The following LRRC72 variants were observed in gnomAD, a reference collection of about 807,000 sequenced individuals.
LRRC72 encodes the protein leucine rich repeat containing 72, also known as leucine-rich repeat-containing protein 72.
In LRRC72, 41 loss-of-function variants were observed where a neutral mutation model predicts 35.8. That is an observed-to-expected ratio of 1.15 (90% CI 0.89 to 1.49). The LOEUF (loss-of-function observed/expected upper bound fraction) is 1.49. LRRC72 is among the 40% of genes most tolerant of loss of function. The probability of loss-of-function intolerance (pLI) is 0.00; values close to 1 mark genes in which losing one functional copy is unlikely to be tolerated. For missense variants in LRRC72, 389 were observed against 330.7 expected (o/e 1.18, Z -1.37); for synonymous variants, 118 against 119.2 (o/e 0.99, Z 0.07).
intron 3 of LRRC72, among the ~76,000 whole-genome samples, chr7:16,545,440 C>T (rs763260954): frequency 3.3e-5 from 5 of 152,098 alleles, no homozygotes; most frequent in Admixed American, 6.5e-5. Flanking sequence ...AGCTTTACAA[C>T]GTGCTTTGTA....
At chr7:16,533,027 T>C (rs76776898) in intron 2 of LRRC72, among the ~76,000 whole-genome samples, 12,755 of 152,218 alleles carry the variant, frequency 0.084, 633 homozygotes, top group East Asian at 0.15. Flanking sequence ...CGCTATTCCC[T>C]GGGCATAATT....
At chr7:16,551,196 C>T (rs1782542394) in intron 3 of LRRC72, among the ~76,000 whole-genome samples, 1 of 152,166 alleles carries the variant, frequency 6.6e-6, no homozygotes. Flanking sequence ...ACAGAGATCA[C>T]ATGAAGACAC....
At chr7:16,548,652 A>T (rs1388797060) in intron 3 of LRRC72, among the ~76,000 whole-genome samples, 1 of 152,162 alleles carries the variant, frequency 6.6e-6, no homozygotes, top group African/African-American at 2.4e-5. Flanking sequence ...ACACTTGCTC[A>T]CACACCCCTC....
chr7:16,562,647 A>G (rs925879151), intron 5 of LRRC72, among the ~76,000 whole-genome samples: 5 of 151,820 alleles, frequency 3.3e-5, no homozygotes, highest in Admixed American at 1.3e-4. Flanking sequence ...AGTGGCCCCA[A>G]TCCACTGCCC....
At chr7:16,565,747 T>G (rs1248349808) in intron 5 of LRRC72, among the ~76,000 whole-genome samples, 1 of 152,080 alleles carries the variant, frequency 6.6e-6, no homozygotes, top group African/African-American at 2.4e-5. Context: ...TGGCCAGAGG[T>G]AGACAAGATG....
intron 3 of LRRC72, among the ~76,000 whole-genome samples, chr7:16,538,530 G>A (rs1782303039): frequency 6.6e-6 from 1 of 152,112 alleles, no homozygotes. Flanking sequence ...CTTATACAGT[G>A]CCCCAGGTCA....
At chr7:16,535,499 T>C (rs1328903590) in intron 2 of LRRC72, among the ~76,000 whole-genome samples, 1 of 152,194 alleles carries the variant, frequency 6.6e-6, no homozygotes, top group Non-Finnish European at 1.5e-5. Flanking sequence ...ATCCCAAATC[T>C]ATTGGCTCAG....
Position 16,545,266 on chromosome 7 carries a change from C to T in LRRC72, c.234+7570C>T, listed in dbSNP as rs1453208317. ...GATTTCCTAGCTCCTAGACATGAAG[C>T]GCATATTGAGAATTCAGCAAATAGC... On this transcript the variant is annotated intron_variant, in intron 3 of 8. Coordinates refer to ENST00000401542, the MANE Select transcript of LRRC72 (RefSeq NM_001195280.2). Among the ~76,000 whole-genome samples the T allele has an allele frequency of 2.6e-5, 4 of 152,082 alleles. No homozygotes were observed. The East Asian group carries it at 5.8e-4, about 22-fold the overall frequency.
intron 3 of LRRC72, among the ~76,000 whole-genome samples, chr7:16,547,155 A>G (rs1782457793): frequency 6.6e-6 from 1 of 152,154 alleles, no homozygotes; most frequent in African/African-American, 2.4e-5. Context: ...GTGATTACCC[A>G]GCTGAAGACA....
intron 8 of LRRC72, among the ~76,000 whole-genome samples, chr7:16,580,754 T>G (rs1388242725): frequency 6.6e-6 from 1 of 152,238 alleles, no homozygotes; most frequent in Non-Finnish European, 1.5e-5. Context: ...GCAGTTATCA[T>G]GTAGATTAAC....
At chr7:16,559,751 G>A (rs1782715109) in intron 5 of LRRC72, among the ~76,000 whole-genome samples, 1 of 151,908 alleles carries the variant, frequency 6.6e-6, no homozygotes, top group African/African-American at 2.4e-5. Context: ...TTATTTTGGG[G>A]GTGATAAAAC....
chr7:16,532,459 G>A (rs1361868141), intron 1 of LRRC72, 36 bp from the exon 2 acceptor site: 2 of 1,485,150 alleles, frequency 1.3e-6, no homozygotes, highest in Admixed American at 3.9e-5. Context: ...TTTGTTCATT[G>A]GAATGTAGTT....
Position 16,545,638 on chromosome 7 carries a change from T to C in LRRC72, c.234+7942T>C, listed in dbSNP as rs943887969. On this transcript the variant is annotated intron_variant, in intron 3 of 8. Transcript: ENST00000401542. ...TGAATTAGCATACATTCCATATATT[T>C]TGGGCTCTTATGTGTTTCTGTTACC... is the stretch of plus-strand genomic sequence containing the variant. 2.0e-5 allele frequency among the ~76,000 whole-genome samples: 3 copies of C among 152,304 alleles called. No individual in the cohort carries two copies. The South Asian group carries it at 6.2e-4, about 32-fold the overall frequency.
At chr7:16,530,698 C>A (rs1178804465) in intron 1 of LRRC72, 1 of 152,138 alleles carries the variant, frequency 6.6e-6, no homozygotes, top group Admixed American at 6.5e-5. Flanking sequence ...GTGATAATCA[C>A]ATTTGTCTGG....
At chr7:16,572,498 C>G (rs1036155680) in intron 7 of LRRC72, among the ~76,000 whole-genome samples, 4 of 152,222 alleles carry the variant, frequency 2.6e-5, no homozygotes, top group Non-Finnish European at 5.9e-5. Flanking sequence ...GCTGGTTCAA[C>G]ATATGCAAAT....
At chr7:16,530,757 C>G (rs1583633339) in intron 1 of LRRC72, among the ~76,000 whole-genome samples, 1 of 152,140 alleles carries the variant, frequency 6.6e-6, no homozygotes, top group South Asian at 2.1e-4. Context: ...ATGGCTGGAT[C>G]AATTTAAAAG....
intron 5 of LRRC72, among the ~76,000 whole-genome samples, chr7:16,561,262 T>G (rs1264113342): frequency 6.6e-6 from 1 of 152,208 alleles, no homozygotes; most frequent in African/African-American, 2.4e-5. Context: ...AGGGGTCTAA[T>G]GCAAAATGAT....
At chr7:16,567,740 C>T (rs1782874094) in intron 7 of LRRC72, among the ~76,000 whole-genome samples, 197 bp downstream of exon 7, 1 of 152,104 alleles carries the variant, frequency 6.6e-6, no homozygotes, top group East Asian at 1.9e-4. Flanking sequence ...TTTTCATCCT[C>T]ACTCATGCAT....
At chr7:16,532,965 C>T (rs1042931536) in intron 2 of LRRC72, 2 of 238,298 alleles carry the variant, frequency 8.4e-6, no homozygotes, top group African/African-American at 2.3e-5. Flanking sequence ...GGAAAATTCA[C>T]TGTTTCCGTG....
Sources: allele counts gnomAD v4.1 joint callset (sites outside exome capture counted in the v4.1 genomes callset), GRCh38; gene constraint gnomAD v4.1.1; transcripts MANE v1.5; gene names NCBI Gene and HGNC (gene_info 2026-07-23, HGNC 2026-07-21).